Variants in DLC1 observed in about 807,000 individuals in gnomAD.
DLC1 encodes DLC1 Rho GTPase activating protein, also known as rho GTPase-activating protein 7.
DLC1 carries 54 observed loss-of-function variants against 140.3 expected under a neutral mutation model. That is an observed-to-expected ratio of 0.38 (90% CI 0.31 to 0.48). The LOEUF is 0.48. DLC1 is among the 20% of genes least tolerant of loss of function. The pLI is 0.96. For missense variants in DLC1, 2,536 were observed against 1,907.0 expected (o/e 1.33, Z -6.14); for synonymous variants, 986 against 728.1 (o/e 1.35, Z -5.70).
At position 13,579,341 on chromosome 8, in the gene DLC1, A is replaced by T. The variant is rs61219314; in HGVS notation, c.-126+25196T>A. 1.9e-3 allele frequency among the ~76,000 whole-genome samples: 51 copies of T among 27,116 alleles called. 8 individuals carry two copies. The highest frequency in any genetic ancestry group is 0.02 in the Middle Eastern group (1 of 50). 17.8% of individuals were successfully genotyped at this position (27,116 alleles called of 152,430 possible). A position where few individuals can be genotyped will look rare whatever the true frequency, so the allele number is the denominator to read the frequency against. ...TATATATATATATATATATATATAT[A>T]TATATATATATATATATATATTTTT... On this transcript the variant is annotated intron_variant, in intron 1 of 1. Coordinates refer to the DLC1 transcript ENST00000631382.
intron 1 of DLC1, among the ~76,000 whole-genome samples, chr8:13,586,728 A>G (rs1242101795): frequency 6.6e-6 from 1 of 152,000 alleles, no homozygotes; most frequent in African/African-American, 2.4e-5. Flanking sequence ...ATGTAGTACA[A>G]TATCACAACC....
In DLC1 at chr8:13,223,056, C is replaced by A. The variant is rs898517729; in HGVS notation, c.1348+82213G>T. On this transcript the variant is annotated intron_variant, in intron 5 of 17. Coordinates refer to ENST00000276297, the MANE Select transcript of DLC1 (RefSeq NM_182643.3). ...GTATGAACCACCATGCTTGGCCAGA[C>A]CTTTTTTTGAAATTCTAGTTCTATC... 9.9e-5 allele frequency among the ~76,000 whole-genome samples: 15 copies of A among 152,156 alleles called. 1 individual carries two copies. The highest frequency in any genetic ancestry group is 2.1e-4 in the Non-Finnish European group (14 of 68,026).
chr8:13,273,853 G>A (rs1031631643), intron 5 of DLC1, among the ~76,000 whole-genome samples: 1 of 152,018 alleles, frequency 6.6e-6, no homozygotes, highest in Non-Finnish European at 1.5e-5. Context: ...CTTTGATTAG[G>A]TGAAAGAAAC....
chr8:13,581,509 C>T (rs898127495), intron 1 of DLC1, among the ~76,000 whole-genome samples: 2 of 152,180 alleles, frequency 1.3e-5, no homozygotes, highest in Non-Finnish European at 2.9e-5. Context: ...ATGTCCAATC[C>T]AACAGCTAAC....
intron 1 of DLC1, among the ~76,000 whole-genome samples, chr8:13,539,286 G>A (rs981908958): frequency 2.0e-5 from 3 of 152,038 alleles, no homozygotes; most frequent in Admixed American, 6.6e-5. Flanking sequence ...TGCAAGCTCT[G>A]CCTCCTGAGT....
At position 13,084,993 on chromosome 8, in the gene DLC1, G is replaced by C. The variant is rs1362663525; in HGVS notation, c.*818C>G. The C allele has an allele frequency of 6.6e-6, 1 of 152,290 alleles. No homozygotes were observed. The highest frequency in any genetic ancestry group is 1.9e-4 in the East Asian group (1 of 5,198). The allele number at this position is 152,290 out of a possible 1,614,324, so 9.4% of individuals were successfully genotyped here. A position where few individuals can be genotyped will look rare whatever the true frequency, so the allele number is the denominator to read the frequency against. ...AACAAAACCCTGTGGATCAGAGCCAGTAAGGCTAGAGGGAGCAGTTCATCC... is the reference window on the plus strand; with the variant it reads ...AACAAAACCCTGTGGATCAGAGCCACTAAGGCTAGAGGGAGCAGTTCATCC... On this transcript the variant is annotated 3_prime_UTR_variant, in exon 18 of 18. Coordinates refer to ENST00000276297, the MANE Select transcript of DLC1 (RefSeq NM_182643.3).
chr8:13,313,130 A>G (rs1002929664), intron 4 of DLC1, among the ~76,000 whole-genome samples: 1 of 152,102 alleles, frequency 6.6e-6, no homozygotes, highest in South Asian at 2.1e-4. Context: ...ATTTTTACTT[A>G]CAGCACTGTT....
At chr8:13,134,835 T>C (rs1481537913) in intron 5 of DLC1, among the ~76,000 whole-genome samples, 2 of 152,112 alleles carry the variant, frequency 1.3e-5, no homozygotes, top group African/African-American at 4.8e-5. Context: ...CACTACTGGC[T>C]CCCTAATTTA....
At chr8:13,504,005 G>C (rs1332318302) in intron 1 of DLC1, among the ~76,000 whole-genome samples, 1 of 151,870 alleles carries the variant, frequency 6.6e-6, no homozygotes, top group Non-Finnish European at 1.5e-5. Flanking sequence ...TACTATTCTA[G>C]AATTACCTCT....
chr8:13,417,497 G>A (rs961467698), intron 2 of DLC1, among the ~76,000 whole-genome samples: 10 of 151,828 alleles, frequency 6.6e-5, no homozygotes, highest in African/African-American at 2.4e-4. Context: ...TACTGAGAAT[G>A]ATGATTTCCA....
intron 1 of DLC1, among the ~76,000 whole-genome samples, chr8:13,571,392 T>C (rs1804648374): frequency 6.6e-6 from 1 of 152,212 alleles, no homozygotes; most frequent in Admixed American, 6.5e-5. Context: ...TGGTACCTGG[T>C]CACCTCGAAT....
chr8:13,280,712 C>G (rs1563221114), intron 5 of DLC1, among the ~76,000 whole-genome samples: 1 of 152,136 alleles, frequency 6.6e-6, no homozygotes, highest in Non-Finnish European at 1.5e-5. Flanking sequence ...GCCACTGTTG[C>G]TGATGAAAAT....
chr8:13,264,690 G>C (rs1003133376), intron 5 of DLC1, among the ~76,000 whole-genome samples: 3 of 152,114 alleles, frequency 2.0e-5, no homozygotes, highest in Admixed American at 1.3e-4. Context: ...AGATACATGA[G>C]AATCTTGGAT....
At chr8:13,208,973 T>C (rs1353876600) in intron 5 of DLC1, among the ~76,000 whole-genome samples, 1 of 152,206 alleles carries the variant, frequency 6.6e-6, no homozygotes, top group Non-Finnish European at 1.5e-5. Context: ...ATGACTATTT[T>C]AGTTGATGTT....
In DLC1 at chr8:13,124,897, A is replaced by G. The variant is rs146523871; in HGVS notation, c.1349-9240T>C. 6.0e-3 allele frequency among the ~76,000 whole-genome samples: 913 copies of G among 152,344 alleles called. 12 individuals carry two copies. Among genetic ancestry groups the G allele is most frequent in the African/African-American group, 0.021 (870 of 41,584 alleles). On this transcript the variant is annotated intron_variant, in intron 5 of 17. Transcript: ENST00000276297. ...AAACTGGACCACTAGAAACTGCTAC[A>G]AGAGATCCCCAGTTTTGTAAATTTA...
At chr8:13,577,924 T>C (rs1804902666) in intron 1 of DLC1, among the ~76,000 whole-genome samples, 1 of 152,106 alleles carries the variant, frequency 6.6e-6, no homozygotes, top group Non-Finnish European at 1.5e-5. Flanking sequence ...AATTAAGTCC[T>C]TGGATGTGCC....
chr8:13,216,924 G>A (rs947585935), intron 5 of DLC1, among the ~76,000 whole-genome samples: 1 of 152,120 alleles, frequency 6.6e-6, no homozygotes, highest in African/African-American at 2.4e-5. Context: ...GGTGATGTGG[G>A]ACAGGTGTGC....
intron 1 of DLC1, among the ~76,000 whole-genome samples, chr8:13,509,764 A>G (rs1802269391): frequency 6.6e-6 from 1 of 152,170 alleles, no homozygotes; most frequent in South Asian, 2.1e-4. Flanking sequence ...ACTGGTGGGC[A>G]GGAATTGTCT....
At chr8:13,134,872 G>A (rs984399493) in intron 5 of DLC1, among the ~76,000 whole-genome samples, 1 of 152,180 alleles carries the variant, frequency 6.6e-6, no homozygotes, top group African/African-American at 2.4e-5. Flanking sequence ...GCTCTAAAGG[G>A]TATGGGACTC....
Sources: gnomAD v4.1 joint callset for allele counts (sites outside exome capture counted in the v4.1 genomes callset) on GRCh38, gnomAD v4.1.1 for gene constraint, MANE v1.5 for transcripts, NCBI Gene and HGNC (gene_info 2026-07-23, HGNC 2026-07-21) for gene names.